The following ADK variants were observed in gnomAD, a reference collection of about 807,000 sequenced individuals.
ADK encodes adenosine kinase.
Under a neutral mutation model 44.7 loss-of-function variants are expected in ADK, and 24 were observed. The observed-to-expected ratio is 0.54, with a 90% CI of 0.39 to 0.76. ADK has a LOEUF of 0.76. ADK is among the 30% of genes least tolerant of loss of function. The probability of loss-of-function intolerance (pLI) is 0.00; values close to 1 mark genes in which losing one functional copy is unlikely to be tolerated. For synonymous variants in ADK, 128 were observed against 142.6 expected (o/e 0.90, Z 0.73); for missense variants, 321 against 425.1 (o/e 0.76, Z 2.15).
At chr10:74,687,206 T>C (rs1043058369) in intron 10 of ADK, among the ~76,000 whole-genome samples, 1 of 152,170 alleles carries the variant, frequency 6.6e-6, no homozygotes, top group African/African-American at 2.4e-5. Flanking sequence ...CAGATGGTGA[T>C]TGTAGGTTCA....
chr10:74,680,833 T>A (rs915012709), intron 10 of ADK, among the ~76,000 whole-genome samples: 3 of 152,226 alleles, frequency 2.0e-5, no homozygotes, highest in Non-Finnish European at 4.4e-5. Context: ...ACCAGGGGTA[T>A]AAACACAGGC....
chr10:74,314,565 C>A lies in ADK; in HGVS notation c.195-102C>A. 3 of 729,480 alleles carry A rather than the reference C, an allele frequency of 4.1e-6. No homozygotes were observed. In the South Asian group the frequency reaches 4.6e-5, roughly 11 times the overall value. 45.2% of individuals were successfully genotyped at this position (729,480 alleles called of 1,614,324 possible). On this transcript the variant is annotated intron_variant, in intron 3 of 10. Coordinates refer to ENST00000539909, the MANE Select transcript of ADK (RefSeq NM_006721.4). ...ATTCAACATACTTAAACAATAAAAA[C>A]ATTTTACTATTTGTGTTTTAATACT...
At chr10:74,448,212 G>T (rs1845650689) in intron 6 of ADK, among the ~76,000 whole-genome samples, 1 of 151,988 alleles carries the variant, frequency 6.6e-6, no homozygotes, top group African/African-American at 2.4e-5. Context: ...CCAGCTACTT[G>T]GGAGGGTGAA....
chr10:74,156,268 A>G (rs1841748254), intron 1 of ADK, among the ~76,000 whole-genome samples: 1 of 152,174 alleles, frequency 6.6e-6, no homozygotes, highest in African/African-American at 2.4e-5. Context: ...CAAATAAAAC[A>G]TGAGGCTGAT....
chr10:74,424,349 AC>A (rs1844703085), intron 6 of ADK, among the ~76,000 whole-genome samples: 1 of 152,008 alleles, frequency 6.6e-6, no homozygotes, highest in Non-Finnish European at 1.5e-5. Flanking sequence ...AGCCTGACCA[AC>A]ATGGAGAAAC....
At chr10:74,230,899 C>G (rs904720318) in intron 3 of ADK, among the ~76,000 whole-genome samples, 3 of 152,124 alleles carry the variant, frequency 2.0e-5, no homozygotes, top group Non-Finnish European at 4.4e-5. Flanking sequence ...TCAGGCTGGT[C>G]TCAAACTCCT....
intron 4 of ADK, among the ~76,000 whole-genome samples, chr10:74,339,305 T>C (rs1424644986): frequency 6.6e-6 from 1 of 152,084 alleles, no homozygotes; most frequent in Non-Finnish European, 1.5e-5. Context: ...GGATAACCAA[T>C]ATAAGTAAAG....
intron 2 of ADK, among the ~76,000 whole-genome samples, chr10:74,222,866 TG>T (rs1299628010): frequency 5.1e-5 from 2 of 38,994 alleles, no homozygotes; most frequent in African/African-American, 2.1e-4. Context: ...TGTTGTGGGG[TG>T]GGGGGAGGGG....
chr10:74,269,808 C>A (rs1846357887), intron 3 of ADK, among the ~76,000 whole-genome samples: 1 of 151,938 alleles, frequency 6.6e-6, no homozygotes, highest in African/African-American at 2.4e-5. Context: ...ACCAGCCTGG[C>A]CAACATGGGG....
At chr10:74,636,045 C>G (rs1233261183) in intron 9 of ADK, among the ~76,000 whole-genome samples, 1 of 151,772 alleles carries the variant, frequency 6.6e-6, no homozygotes, top group Non-Finnish European at 1.5e-5. Flanking sequence ...CAGCCGTGAT[C>G]ACACCATTAC....
At chr10:74,332,067 A>C (rs1475176976) in intron 4 of ADK, among the ~76,000 whole-genome samples, 1 of 152,020 alleles carries the variant, frequency 6.6e-6, no homozygotes, top group Non-Finnish European at 1.5e-5. Flanking sequence ...CCTGTTGACC[A>C]GGCTGGTATT....
chr10:74,504,415 T>A (rs1847976732), intron 6 of ADK, among the ~76,000 whole-genome samples: 1 of 152,104 alleles, frequency 6.6e-6, no homozygotes, highest in African/African-American at 2.4e-5. Flanking sequence ...CCCCGGGTAG[T>A]TGAAAATCCA....
chr10:74,642,359 A>ATTT (rs59316334), intron 9 of ADK, among the ~76,000 whole-genome samples: 1 of 134,138 alleles, frequency 7.5e-6, no homozygotes, highest in Non-Finnish European at 1.6e-5. Context: ...GATGCACTCA[A>ATTT]TTTTTTTTTT....
At chr10:74,186,483 G>C (rs1413126991) in intron 1 of ADK, among the ~76,000 whole-genome samples, 1 of 151,600 alleles carries the variant, frequency 6.6e-6, no homozygotes, top group African/African-American at 2.4e-5. Flanking sequence ...CGGGGGAGTG[G>C]GGTGGGGGTG....
At chr10:74,519,244 T>G (rs944492608) in intron 6 of ADK, among the ~76,000 whole-genome samples, 1 of 151,948 alleles carries the variant, frequency 6.6e-6, no homozygotes, top group Admixed American at 6.6e-5. Context: ...AATGTCAAAA[T>G]AAAATGTAGT....
intron 2 of ADK, among the ~76,000 whole-genome samples, chr10:74,217,897 G>C (rs1271131060): frequency 6.6e-6 from 1 of 151,980 alleles, no homozygotes; most frequent in Non-Finnish European, 1.5e-5. Flanking sequence ...AAGACCAAAA[G>C]TAGATAAAAC....
At chr10:74,250,034 C>CG (rs1299761799) in intron 3 of ADK, among the ~76,000 whole-genome samples, 1 of 152,046 alleles carries the variant, frequency 6.6e-6, no homozygotes, top group Non-Finnish European at 1.5e-5. Flanking sequence ...AGACTTATTG[C>CG]GCCACTCTCT....
intron 7 of ADK, among the ~76,000 whole-genome samples, chr10:74,541,788 CCA>C (rs1304239062): frequency 3.3e-5 from 2 of 61,104 alleles, no homozygotes; most frequent in South Asian, 5.5e-4. Context: ...ACGAGAACCC[CCA>C]CACACCCCCC....
chr10:74,600,278 G>T (rs1440872233), intron 8 of ADK, 101 bp from the exon 9 acceptor site: 5 of 725,144 alleles, frequency 6.9e-6, no homozygotes, highest in Non-Finnish European at 9.7e-6. Flanking sequence ...AGATATGCAG[G>T]TCTCTTATTT....
Sources: allele counts gnomAD v4.1 joint callset (sites outside exome capture counted in the v4.1 genomes callset), GRCh38; gene constraint gnomAD v4.1.1; transcripts MANE v1.5; gene names NCBI Gene and HGNC (gene_info 2026-07-23, HGNC 2026-07-21).